Variants in C17orf99 observed in about 807,000 individuals in gnomAD.
C17orf99 encodes the protein protein IL-40.
In C17orf99, 18 loss-of-function variants were observed where a neutral mutation model predicts 22.6. The ratio of observed to expected loss-of-function variants is 0.80; its 90% CI spans 0.55 to 1.18. The LOEUF (loss-of-function observed/expected upper bound fraction) is 1.18. C17orf99 is among the 50% of genes most tolerant of loss of function. The pLI is 0.00. For synonymous variants in C17orf99, 147 were observed against 136.6 expected (o/e 1.08, Z -0.53); for missense variants, 328 against 342.7 (o/e 0.96, Z 0.34).
Position 78,146,944 on chromosome 17 carries a change from C to T in C17orf99, c.70+33C>T. The T allele has an allele frequency of 1.3e-6, 2 of 1,546,520 alleles. No homozygotes were observed. The highest frequency in any genetic ancestry group is 2.0e-5 in the Admixed American group (1 of 50,982). ...GCATAGCCTGCTGCAGGGAGAAGTC[C>T]CCCAGCTGGGACCCTGGTGTCAGAA... On this transcript the variant is annotated intron_variant, in intron 2 of 4. Transcript: ENST00000340363. This position sits in a 1 kb window ranked among gnomAD's most constrained non-coding sequence, Gnocchi z 5.2.
intron 2 of C17orf99, chr17:78,157,594 C>G (rs961534371): frequency 3.6e-6 from 2 of 558,350 alleles, no homozygotes; most frequent in Non-Finnish European, 5.9e-6. Flanking sequence ...GTCAGGAGAT[C>G]GAAACCATCC....
intron 2 of C17orf99, among the ~76,000 whole-genome samples, chr17:78,152,479 C>A (rs2075491957): frequency 6.6e-6 from 1 of 151,936 alleles, no homozygotes; most frequent in Admixed American, 6.6e-5. Flanking sequence ...GGATTACAGG[C>A]ACATGCCACC....
At chr17:78,156,254 C>T (rs929855516) in intron 2 of C17orf99, among the ~76,000 whole-genome samples, 5 of 144,020 alleles carry the variant, frequency 3.5e-5, no homozygotes, top group African/African-American at 1.0e-4. Context: ...CACTTGAACC[C>T]GGGAGGCGGA....
chr17:78,162,648 G>C (rs759111136), intron 3 of C17orf99, among the ~76,000 whole-genome samples: 14 of 151,986 alleles, frequency 9.2e-5, no homozygotes, highest in Non-Finnish European at 1.6e-4. Flanking sequence ...ATCTGCAAAA[G>C]GAAAATAATA....
At chr17:78,160,264 G>A (rs138255459) in intron 2 of C17orf99, among the ~76,000 whole-genome samples, 9 of 152,094 alleles carry the variant, frequency 5.9e-5, no homozygotes, top group African/African-American at 1.4e-4. Flanking sequence ...GCAGCCGGGC[G>A]CGGTGGCTCA....
intron 2 of C17orf99, among the ~76,000 whole-genome samples, chr17:78,156,325 T>C (rs1460199763): frequency 1.6e-5 from 2 of 126,114 alleles, no homozygotes; most frequent in South Asian, 2.7e-4. Context: ...GCAAAACTCC[T>C]TCTCCAGAAA....
At chr17:78,149,779 G>A (rs1598940554) in intron 2 of C17orf99, among the ~76,000 whole-genome samples, 2 of 150,932 alleles carry the variant, frequency 1.3e-5, no homozygotes, top group South Asian at 2.1e-4. Flanking sequence ...GTGCAATCTC[G>A]GCTCACTGCA....
At chr17:78,151,206 C>T (rs2075479798) in intron 2 of C17orf99, among the ~76,000 whole-genome samples, 1 of 151,822 alleles carries the variant, frequency 6.6e-6, no homozygotes, top group Non-Finnish European at 1.5e-5. Context: ...GGGCGGATCA[C>T]CTAAGGTCAG....
At chr17:78,149,225 G>C (rs140896427) in intron 2 of C17orf99, among the ~76,000 whole-genome samples, 10 of 151,220 alleles carry the variant, frequency 6.6e-5, no homozygotes, top group Admixed American at 1.3e-4. Flanking sequence ...CCAGCTACTC[G>C]GGAGGCTGAG....
At chr17:78,151,069 G>T (rs1003933411) in intron 2 of C17orf99, among the ~76,000 whole-genome samples, 5 of 151,846 alleles carry the variant, frequency 3.3e-5, no homozygotes, top group Non-Finnish European at 5.9e-5. Flanking sequence ...GTTGCAGTGA[G>T]CCTGGATGGC....
At chr17:78,161,859 A>G (rs1048367996) in intron 3 of C17orf99, among the ~76,000 whole-genome samples, 1 of 151,830 alleles carries the variant, frequency 6.6e-6, no homozygotes, top group Non-Finnish European at 1.5e-5. Context: ...AAGAAAAAGA[A>G]ACGAAAAAAA....
intron 3 of C17orf99, among the ~76,000 whole-genome samples, chr17:78,163,653 C>T (rs1000583088): frequency 2.0e-5 from 3 of 152,088 alleles, no homozygotes; most frequent in African/African-American, 7.2e-5. Flanking sequence ...ATTGCTTGAG[C>T]CCAGGAGTTT....
intron 2 of C17orf99, chr17:78,157,922 G>A: frequency 8.7e-7 from 1 of 1,151,614 alleles, no homozygotes. Flanking sequence ...CCACCTGGTT[G>A]GTACTGACAT....
At chr17:78,158,083 T>A in intron 2 of C17orf99, 5 of 1,031,242 alleles carry the variant, frequency 4.8e-6, no homozygotes, top group Non-Finnish European at 7.5e-6. Flanking sequence ...AGGACTTTCG[T>A]CTGCATGAGG....
intron 2 of C17orf99, chr17:78,157,793 T>C (rs922365378): frequency 3.0e-6 from 2 of 667,058 alleles, no homozygotes; most frequent in South Asian, 1.6e-5. Flanking sequence ...CGTGACTCTG[T>C]CTCGGAAAAA....
At chr17:78,158,143 C>A in intron 2 of C17orf99, 1 of 812,318 alleles carries the variant, frequency 1.2e-6, no homozygotes, top group South Asian at 1.3e-5. Flanking sequence ...GAGAAGAGAT[C>A]CTGATCATGG....
chr17:78,157,329 A>G (rs1026485692), intron 2 of C17orf99: 51 of 595,022 alleles, frequency 8.6e-5, no homozygotes, highest in East Asian at 3.5e-4. Flanking sequence ...TGTGTTCAGC[A>G]GCGGCGGCGG....
chr17:78,153,918 CTTTTTTTTTT>C (rs532705146), intron 2 of C17orf99, among the ~76,000 whole-genome samples: 33 of 79,548 alleles, frequency 4.1e-4, no homozygotes, highest in African/African-American at 1.8e-3. Flanking sequence ...AGTATTCCTT[CTTTTTTTTTT>C]TTTTTTTTTT....
rs764050467 is a variant in C17orf99 at position 78,146,461 on chromosome 17, C to A, written c.37+17C>A. On this transcript the variant is annotated intron_variant, in intron 1 of 4. Transcript: ENST00000340363. The surrounding 1 kb of genome is among the most constrained non-coding windows in gnomAD (Gnocchi z 5.2). ...CCGTGCTGGGTGAGTCCACCAGGGA[C>A]GTGATGGTGGGGCTGCTGCTGGGGC... 2 of 1,548,896 alleles carry A rather than the reference C, an allele frequency of 1.3e-6. No homozygotes were observed. Among genetic ancestry groups the A allele is most frequent in the Non-Finnish European group, 1.7e-6 (2 of 1,146,300 alleles).
Sources: allele counts gnomAD v4.1 joint callset (sites outside exome capture counted in the v4.1 genomes callset), GRCh38; gene constraint gnomAD v4.1.1; non-coding constraint Gnocchi (gnomAD v3.1); transcripts MANE v1.5; gene names NCBI Gene and HGNC (gene_info 2026-07-23, HGNC 2026-07-21).